Variants in UGT8 observed in about 807,000 individuals in gnomAD.
The protein encoded by UGT8 is 2-hydroxyacylsphingosine 1-beta-galactosyltransferase.
A neutral mutation model predicts 40.5 loss-of-function variants in UGT8; 12 were observed. The observed-to-expected ratio is 0.30, with a 90% CI of 0.19 to 0.48. The LOEUF is 0.48. UGT8 is among the 20% of genes least tolerant of loss of function. The probability of loss-of-function intolerance (pLI) is 0.99; values close to 1 mark genes in which losing one functional copy is unlikely to be tolerated. For synonymous variants in UGT8, 224 were observed against 240.4 expected (o/e 0.93, Z 0.63); for missense variants, 513 against 648.7 (o/e 0.79, Z 2.27).
intron 1 of UGT8, 103 bp from the exon 2 acceptor site, chr4:114,622,769 TAGACAAA>T: frequency 9.6e-7 from 1 of 1,045,832 alleles, no homozygotes; most frequent in Non-Finnish European, 1.3e-6. Context: ...ATTTTTTTTT[TAGACAAA>T]GTATTAGATC....
chr4:114,670,748 C>A (rs1391335428), intron 5 of UGT8, among the ~76,000 whole-genome samples: 1 of 152,184 alleles, frequency 6.6e-6, no homozygotes, highest in East Asian at 1.9e-4. Context: ...CCTTTGGAAA[C>A]CAGCACAAGA....
Position 114,614,839 on chromosome 4 carries a change from A to C in UGT8, c.-2-8040A>C, listed in dbSNP as rs536737266. The stretch of plus-strand genomic sequence containing the variant: ...CAGATTGTACTCTTAAAGGTGCCAG[A>C]CTTTTTTTTTTTTTTTTTTTTGGGC... On this transcript the variant is annotated intron_variant, in intron 1 of 5. Transcript: ENST00000310836. Among the ~76,000 whole-genome samples, 824 of 113,370 alleles carry C rather than the reference A, an allele frequency of 7.3e-3. 5 individuals carry two copies. The highest frequency in any genetic ancestry group is 0.03 in the Middle Eastern group (6 of 202). 74.4% of individuals were successfully genotyped at this position (113,370 alleles called of 152,430 possible). A position where few individuals can be genotyped will look rare whatever the true frequency, so the allele number is the denominator to read the frequency against.
intron 2 of UGT8, among the ~76,000 whole-genome samples, chr4:114,655,272 G>A (rs1340299419): frequency 6.6e-6 from 1 of 151,896 alleles, no homozygotes; most frequent in Non-Finnish European, 1.5e-5. Context: ...GTTTATTTGG[G>A]AATAGCAAGG....
chr4:114,612,520 TA>T (rs1731155840), intron 1 of UGT8, among the ~76,000 whole-genome samples: 1 of 152,148 alleles, frequency 6.6e-6, no homozygotes, highest in African/African-American at 2.4e-5. Context: ...ATAGGTCCAT[TA>T]AAAAAATTGC....
At chr4:114,619,817 T>C (rs1484294202) in intron 1 of UGT8, among the ~76,000 whole-genome samples, 1 of 151,964 alleles carries the variant, frequency 6.6e-6, no homozygotes, top group South Asian at 2.1e-4. Flanking sequence ...ATATCTATTA[T>C]GTATGTTGCA....
chr4:114,635,028 C>CTGT (rs374836082), intron 2 of UGT8, among the ~76,000 whole-genome samples: 2 of 141,574 alleles, frequency 1.4e-5, no homozygotes, highest in African/African-American at 5.2e-5. Flanking sequence ...ACTAGTGAAG[C>CTGT]TTTTTTTTTT....
At chr4:114,651,627 A>G (rs1278737359) in intron 2 of UGT8, among the ~76,000 whole-genome samples, 1 of 152,114 alleles carries the variant, frequency 6.6e-6, no homozygotes, top group East Asian at 1.9e-4. Flanking sequence ...GCATATGCAG[A>G]GAATCTGTCA....
At chr4:114,617,121 G>T (rs975216156) in intron 1 of UGT8, among the ~76,000 whole-genome samples, 1 of 152,148 alleles carries the variant, frequency 6.6e-6, no homozygotes, top group African/African-American at 2.4e-5. Context: ...GGGCACGGTG[G>T]TATGTGCCTG....
At chr4:114,610,466 C>T (rs550998338) in intron 1 of UGT8, among the ~76,000 whole-genome samples, 240 of 152,288 alleles carry the variant, frequency 1.6e-3, no homozygotes, top group African/African-American at 5.5e-3. Context: ...GGACTTGCCT[C>T]ATTGTGGTGA....
At chr4:114,611,516 G>A (rs2126088758) in intron 1 of UGT8, among the ~76,000 whole-genome samples, 1 of 88,262 alleles carries the variant, frequency 1.1e-5, no homozygotes, top group East Asian at 3.2e-4. Flanking sequence ...ATATAAGATA[G>A]CCGTATATAT....
chr4:114,665,816 C>CTTTTT, intron 4 of UGT8, 60 bp downstream of exon 4: 1 of 1,090,124 alleles, frequency 9.2e-7, no homozygotes, highest in Non-Finnish European at 1.3e-6. Context: ...ATAAATGTGA[C>CTTTTT]TTTTTTTTTT....
rs1391257660 is a variant in UGT8 at position 114,623,159 on chromosome 4, T to A, written c.279T>A (p.Ile93=). The change falls in exon 2 of 6, where the codon ATT becomes ATA. Residue 93 remains isoleucine (I), a synonymous_variant. Transcript: ENST00000310836. ...DAFLQSKMRN[I]FSGRLTAIEL... ...TCCTACAGTCCAAGATGCGGAATAT[T>A]TTCTCTGGGAGATTGACAGCAATCG... 8 of 1,613,996 alleles carry A rather than the reference T, an allele frequency of 5.0e-6. No homozygotes were observed. The highest frequency in any genetic ancestry group is 3.3e-4 in the Middle Eastern group (2 of 6,084).
chr4:114,615,510 C>T lies in UGT8; in HGVS notation c.-2-7369C>T, dbSNP rs528382085. Among the ~76,000 whole-genome samples, 16 of 152,232 alleles carry T rather than the reference C, an allele frequency of 1.1e-4. No homozygotes were observed. The East Asian group carries it at 2.3e-3, about 22-fold the overall frequency. On this transcript the variant is annotated intron_variant, in intron 1 of 5. Transcript: ENST00000310836. ...GGATCCTGAGTCCCCCTAGGGCTTC[C>T]GTGACTTAGGAAAGGTAGCTTAGTT...
chr4:114,643,546 A>G (rs1227902454), intron 2 of UGT8, among the ~76,000 whole-genome samples: 1 of 152,210 alleles, frequency 6.6e-6, no homozygotes, highest in East Asian at 1.9e-4. Flanking sequence ...TGTTTTAGAT[A>G]GTATTTCACA....
chr4:114,628,296 C>A (rs114073297), intron 2 of UGT8, among the ~76,000 whole-genome samples: 10 of 151,944 alleles, frequency 6.6e-5, no homozygotes, highest in African/African-American at 2.2e-4. Context: ...TATGTCACCA[C>A]GCCTAGTTAA....
At chr4:114,659,962 T>G (rs1208213460) in intron 2 of UGT8, among the ~76,000 whole-genome samples, 1 of 152,168 alleles carries the variant, frequency 6.6e-6, no homozygotes, top group African/African-American at 2.4e-5. Context: ...TGATGAGATA[T>G]TAAATAACTA....
rs1161209024 is a variant in UGT8 at position 114,618,795 on chromosome 4, A to C, written c.-2-4084A>C. ...CTGTGCTATTCAATTTACTTTAAGG[A>C]AGGTTTAAGGTAAAAAATATAGTGA... On this transcript the variant is annotated intron_variant, in intron 1 of 5. Transcript: ENST00000310836. Among the ~76,000 whole-genome samples the C allele has an allele frequency of 3.3e-5, 5 of 152,248 alleles. 1 individual carries two copies. Among genetic ancestry groups the C allele is most frequent in the South Asian group, 4.1e-4 (2 of 4,830 alleles).
At chr4:114,629,422 T>TG (rs1732438736) in intron 2 of UGT8, among the ~76,000 whole-genome samples, 1 of 152,218 alleles carries the variant, frequency 6.6e-6, no homozygotes, top group East Asian at 1.9e-4. Flanking sequence ...GCCTGAAAAG[T>TG]GGTTGGCACT....
chr4:114,623,177 A>G lies in UGT8; in HGVS notation c.297A>G (p.Thr99=). The G allele has an allele frequency of 6.2e-7, 1 of 1,614,144 alleles. No homozygotes were observed. The highest frequency in any genetic ancestry group is 8.5e-7 in the Non-Finnish European group (1 of 1,180,012). The change falls in exon 2 of 6, where the codon ACA becomes ACG. Residue 99 remains threonine (T), a synonymous_variant. Coordinates refer to ENST00000310836, the MANE Select transcript of UGT8 (RefSeq NM_001128174.3). ...GGAATATTTTCTCTGGGAGATTGAC[A>G]GCAATCGAACTGTTTGACATACTGG... ...KMRNIFSGRL[T]AIELFDILDH...
Sources: gnomAD v4.1 joint callset for allele counts (sites outside exome capture counted in the v4.1 genomes callset) on GRCh38, gnomAD v4.1.1 for gene constraint, MANE v1.5 for transcripts, NCBI Gene and HGNC (gene_info 2026-07-23, HGNC 2026-07-21) for gene names.